STX18: variants seen among roughly 807,000 people sequenced by gnomAD.
The protein encoded by STX18 is syntaxin 18.
A neutral mutation model predicts 50.1 loss-of-function variants in STX18; 40 were observed. That is an observed-to-expected ratio of 0.80 (90% CI 0.62 to 1.04). The LOEUF is 1.04. Among genes scored for constraint, STX18 ranks in the 50% least tolerant of loss-of-function variants. STX18 has a pLI of 0.00. For synonymous variants in STX18, 158 were observed against 151.8 expected, an observed-to-expected ratio of 1.04 and a Z score of -0.30; for missense variants, 410 against 415.8, an observed-to-expected ratio of 0.99 and a Z score of 0.12.
chr4:4,435,414 C>G (rs2108784891), intron 6 of STX18, among the ~76,000 whole-genome samples: 1 of 152,280 alleles, frequency 6.6e-6, no homozygotes. Context: ...ATATGAGTCC[C>G]TGTCTACCCA....
At chr4:4,512,817 T>G (rs1420924647) in intron 1 of STX18, among the ~76,000 whole-genome samples, 2 of 152,174 alleles carry the variant, frequency 1.3e-5, no homozygotes, top group African/African-American at 4.8e-5. Flanking sequence ...ATATTGTTAC[T>G]AAATATTGCT....
chr4:4,475,970 G>C (rs1009691912), intron 1 of STX18, among the ~76,000 whole-genome samples: 1 of 152,144 alleles, frequency 6.6e-6, no homozygotes, highest in Non-Finnish European at 1.5e-5. Flanking sequence ...TTTTGGAAGA[G>C]TCACTTAATA....
At chr4:4,542,056 C>T (rs1342715691), upstream of STX18, 9 of 1,329,096 alleles carry the variant, frequency 6.8e-6, no homozygotes, top group Admixed American at 3.6e-5. Flanking sequence ...ACTGGTCCTG[C>T]CCCACACGCC....
chr4:4,541,136 T>C (rs559125260), intron 1 of STX18, among the ~76,000 whole-genome samples: 2 of 152,340 alleles, frequency 1.3e-5, no homozygotes, highest in African/African-American at 4.8e-5. Context: ...TAAGCAATGC[T>C]ATGAGTCATG....
At chr4:4,452,447 T>C (rs1038141935) in intron 5 of STX18, among the ~76,000 whole-genome samples, 2 of 152,246 alleles carry the variant, frequency 1.3e-5, no homozygotes, top group African/African-American at 4.8e-5. Flanking sequence ...GAGAAGTCAA[T>C]GGCTGACTTC....
intron 7 of STX18, among the ~76,000 whole-genome samples, chr4:4,430,657 T>C (rs1051006455): frequency 3.2e-4 from 49 of 152,134 alleles, no homozygotes; most frequent in African/African-American, 1.1e-3. Flanking sequence ...TCAACCTCAA[T>C]GTGGGGAGAG....
intron 7 of STX18, among the ~76,000 whole-genome samples, 192 bp downstream of exon 7, chr4:4,434,578 A>T (rs534344589): frequency 1.1e-4 from 16 of 152,340 alleles, no homozygotes; most frequent in South Asian, 1.0e-3. Context: ...TGCTACTGCA[A>T]ATTTAAAGCA....
intron 1 of STX18, chr4:4,477,979 T>C (rs1728272215): frequency 6.6e-6 from 1 of 152,120 alleles, no homozygotes; most frequent in Non-Finnish European, 1.5e-5. Flanking sequence ...GAATTAGACA[T>C]TACCTCCTCC....
At chr4:4,498,972 T>C (rs1188810295) in intron 1 of STX18, among the ~76,000 whole-genome samples, 1 of 152,190 alleles carries the variant, frequency 6.6e-6, no homozygotes, top group Non-Finnish European at 1.5e-5. Flanking sequence ...TAGAATTCCT[T>C]GGTTATGGCA....
intron 1 of STX18, among the ~76,000 whole-genome samples, chr4:4,523,483 G>A (rs977803914): frequency 2.6e-5 from 4 of 152,090 alleles, no homozygotes; most frequent in Non-Finnish European, 5.9e-5. Flanking sequence ...GTGTCCCTTG[G>A]GTGTTCAGCA....
intron 1 of STX18, chr4:4,507,353 T>A (rs1327985277): frequency 1.3e-6 from 1 of 750,462 alleles, no homozygotes; most frequent in Non-Finnish European, 2.5e-6. Flanking sequence ...GCCAAGGAAA[T>A]TGAAGTTGGT....
At chr4:4,507,910 C>T (rs1299816941) in intron 1 of STX18, 2 of 506,612 alleles carry the variant, frequency 3.9e-6, no homozygotes, top group Non-Finnish European at 6.9e-6. Context: ...AGAAAGGAAG[C>T]ATTCCGTATT....
chr4:4,432,810 AG>A (rs1725580088), intron 7 of STX18, among the ~76,000 whole-genome samples: 2 of 152,266 alleles, frequency 1.3e-5, no homozygotes, highest in South Asian at 2.1e-4. Context: ...GAGAAGAAAC[AG>A]GAAGTCCAAA....
intron 1 of STX18, among the ~76,000 whole-genome samples, chr4:4,523,807 G>T (rs1175657790): frequency 6.6e-6 from 1 of 152,024 alleles, no homozygotes; most frequent in Non-Finnish European, 1.5e-5. Flanking sequence ...AACCACATTA[G>T]TCCCCTACTG....
chr4:4,439,689 G>A (rs957873108), intron 5 of STX18, among the ~76,000 whole-genome samples: 1 of 149,866 alleles, frequency 6.7e-6, no homozygotes, highest in African/African-American at 2.5e-5. Context: ...CTTAATATAA[G>A]TTAGCTCTGA....
In STX18 at chr4:4,527,105, C is replaced by T. The variant is rs559232938; in HGVS notation, c.168+14692G>A. On this transcript the variant is annotated intron_variant, in intron 1 of 10. Transcript: ENST00000306200. ...ATTGGGGCTGTAAAGTACCCCACGACGCCTTCATCTGGGGACCTATTTATA... is the reference window on the plus strand; with the variant it reads ...ATTGGGGCTGTAAAGTACCCCACGATGCCTTCATCTGGGGACCTATTTATA... 7.9e-5 allele frequency among the ~76,000 whole-genome samples: 12 copies of T among 152,298 alleles called. No individual in the cohort carries two copies. In the South Asian group the frequency reaches 1.5e-3, roughly 18 times the overall value.
At chr4:4,458,364 A>T (rs1727191516) in intron 3 of STX18, among the ~76,000 whole-genome samples, 1 of 152,182 alleles carries the variant, frequency 6.6e-6, no homozygotes, top group African/African-American at 2.4e-5. Context: ...TGCTTAACCC[A>T]AGATTTGTGT....
At chr4:4,531,566 T>C (rs1308620279) in intron 1 of STX18, among the ~76,000 whole-genome samples, 1 of 152,196 alleles carries the variant, frequency 6.6e-6, no homozygotes, top group Non-Finnish European at 1.5e-5. Context: ...ACCTCCCCGT[T>C]TCACACTGCT....
At chr4:4,444,486 A>G (rs973716420) in intron 5 of STX18, among the ~76,000 whole-genome samples, 1 of 152,164 alleles carries the variant, frequency 6.6e-6, no homozygotes, top group African/African-American at 2.4e-5. Context: ...AGCTTCCCTG[A>G]TTGACAATAC....
Sources: allele counts gnomAD v4.1 joint callset (sites outside exome capture counted in the v4.1 genomes callset), GRCh38; gene constraint gnomAD v4.1.1; transcripts MANE v1.5; gene names NCBI Gene and HGNC (gene_info 2026-07-23, HGNC 2026-07-21).